Variants in ABI2 observed in about 807,000 individuals in gnomAD.
The protein encoded by ABI2 is abl interactor 2.
A neutral mutation model predicts 59.2 loss-of-function variants in ABI2; 25 were observed. The ratio of observed to expected loss-of-function variants is 0.42; its 90% confidence interval spans 0.31 to 0.59. The LOEUF (loss-of-function observed/expected upper bound fraction) is 0.59, where lower values mean the gene tolerates loss of function less well. ABI2 is among the 20% of genes least tolerant of loss of function. ABI2 has a pLI of 0.14. For missense variants in ABI2, 545 were observed against 681.8 expected (o/e 0.80, Z 2.23); for synonymous variants, 213 against 235.5 (o/e 0.90, Z 0.87).
At position 203,416,977 on chromosome 2, in the gene ABI2, C is replaced by T. The variant is rs1454016763; in HGVS notation, c.1349C>T (p.Pro450Leu). The T allele has an allele frequency of 1.2e-6, 2 of 1,614,156 alleles. No homozygotes were observed. Among genetic ancestry groups the T allele is most frequent in the Non-Finnish European group, 8.5e-7 (1 of 1,180,012 alleles). ...PVFDESPPPPPPPEDYEEEEA... is the reference protein window; with the variant it reads ...PVFDESPPPPLPPEDYEEEEA... ...TTTGATGAGTCTCCCCCACCTCCTC[C>T]TCCTCCAGAAGATTACGAAGAGGAG... Residue 450 changes from proline to leucine, a missense_variant, in exon 11 of 12, where the codon CCT becomes CTT. Pro to Leu is a moderately conservative substitution (Grantham distance 98, BLOSUM62 -3). This residue lies in a region of ABI2 where 410 missense variants were observed against 435.6 expected (regional missense o/e 0.94). Coordinates refer to ENST00000261018, the MANE Select transcript of ABI2 (RefSeq NM_001375670.1).
At chr2:203,389,966 A>G (rs1188989224) in intron 4 of ABI2, among the ~76,000 whole-genome samples, 1 of 152,212 alleles carries the variant, frequency 6.6e-6, no homozygotes, top group African/African-American at 2.4e-5. Flanking sequence ...ACTTAGGACT[A>G]TGTTACATCT....
At chr2:203,380,421 A>G (rs370999877) in intron 3 of ABI2, 37 bp downstream of exon 3, 28 of 1,353,628 alleles carry the variant, frequency 2.1e-5, no homozygotes, top group Non-Finnish European at 2.7e-5. Flanking sequence ...AAAAGTAGTA[A>G]CCCATAATGA....
intron 1 of ABI2, among the ~76,000 whole-genome samples, chr2:203,357,972 T>C (rs1156480832): frequency 2.0e-5 from 3 of 151,656 alleles, no homozygotes; most frequent in Non-Finnish European, 4.4e-5. Context: ...TTTCACCATA[T>C]TGACCAGGCT....
intron 1 of ABI2, among the ~76,000 whole-genome samples, chr2:203,356,920 T>A (rs1234441648): frequency 1.3e-5 from 2 of 152,202 alleles, no homozygotes; most frequent in African/African-American, 2.4e-5. Context: ...ATACTTCACA[T>A]TGTTCCTGTC....
chr2:203,360,059 C>T (rs2093212611), intron 1 of ABI2, among the ~76,000 whole-genome samples: 1 of 151,718 alleles, frequency 6.6e-6, no homozygotes, highest in Non-Finnish European at 1.5e-5. Context: ...GTGGTGCATG[C>T]CTGTAGTCCC....
intron 1 of ABI2, among the ~76,000 whole-genome samples, chr2:203,365,840 A>G (rs1363817301): frequency 1.3e-5 from 2 of 152,048 alleles, no homozygotes; most frequent in African/African-American, 2.4e-5. Context: ...CGTGTTAGCC[A>G]GGATGGTCTC....
chr2:203,389,659 G>T (rs893196568), intron 4 of ABI2, among the ~76,000 whole-genome samples: 1 of 152,266 alleles, frequency 6.6e-6, no homozygotes, highest in Non-Finnish European at 1.5e-5. Context: ...TAGAAAAGTT[G>T]AGGTCCTTTT....
At chr2:203,413,662 TAGTC>T (rs2097770243) in intron 10 of ABI2, among the ~76,000 whole-genome samples, 1 of 152,174 alleles carries the variant, frequency 6.6e-6, no homozygotes, top group Non-Finnish European at 1.5e-5. Context: ...ACTTAAACAT[TAGTC>T]AAATAATAAA....
chr2:203,364,981 G>A (rs1184536250), intron 1 of ABI2, among the ~76,000 whole-genome samples: 2 of 151,800 alleles, frequency 1.3e-5, no homozygotes, highest in South Asian at 2.1e-4. Context: ...CAATGCTCCC[G>A]CCTCAGCCTC....
At chr2:203,396,021 C>CT (rs1253214339) in intron 7 of ABI2, among the ~76,000 whole-genome samples, 2 of 152,140 alleles carry the variant, frequency 1.3e-5, no homozygotes, top group Non-Finnish European at 2.9e-5. Flanking sequence ...TCAGATCACA[C>CT]TTTGTTATGA....
intron 2 of ABI2, among the ~76,000 whole-genome samples, chr2:203,376,733 C>CTTTTTTTT (rs370295013): frequency 2.6e-5 from 3 of 114,896 alleles, no homozygotes; most frequent in African/African-American, 6.4e-5. Flanking sequence ...TTGGTCTTCC[C>CTTTTTTTT]TTTTTTTTTT....
At position 203,427,596 on chromosome 2, in the gene ABI2, G is replaced by A. The variant is rs1437520053; in HGVS notation, c.*244G>A. The A allele has an allele frequency of 7.9e-6, 3 of 380,088 alleles. No homozygotes were observed. The highest frequency in any genetic ancestry group is 1.4e-5 in the Non-Finnish European group (3 of 208,900). 23.5% of individuals were successfully genotyped at this position (380,088 alleles called of 1,614,324 possible). On this transcript the variant is annotated 3_prime_UTR_variant, in exon 12 of 12. Coordinates refer to ENST00000261018, the MANE Select transcript of ABI2 (RefSeq NM_001375670.1). ...ATTGAAATAAAATGACCATTTTTAT[G>A]TATGTCAAAGGTATAACAGCATAAC...
chr2:203,371,249 G>A (rs1319980413), intron 2 of ABI2, among the ~76,000 whole-genome samples: 1 of 152,140 alleles, frequency 6.6e-6, no homozygotes, highest in South Asian at 2.1e-4. Context: ...TTACTTTAAT[G>A]TAACTGAACT....
intron 1 of ABI2, among the ~76,000 whole-genome samples, chr2:203,338,907 T>G (rs1327948434): frequency 5.0e-5 from 4 of 80,704 alleles, no homozygotes; most frequent in Admixed American, 4.3e-4. Flanking sequence ...GGGGTTTATA[T>G]CTGTGTGTGT....
At chr2:203,405,110 G>A (rs1489285421) in intron 9 of ABI2, among the ~76,000 whole-genome samples, 1 of 152,186 alleles carries the variant, frequency 6.6e-6, no homozygotes, top group African/African-American at 2.4e-5. Flanking sequence ...GGTGAATTGG[G>A]ATTGTTAGGC....
chr2:203,369,017 G>A (rs938856850), intron 2 of ABI2, among the ~76,000 whole-genome samples: 2 of 61,278 alleles, frequency 3.3e-5, no homozygotes, highest in African/African-American at 1.4e-4. Context: ...TTTTTTTTTT[G>A]TAGAGACAGT....
At chr2:203,338,967 T>TATATATAA (rs2078091452) in intron 1 of ABI2, among the ~76,000 whole-genome samples, 1 of 10,008 alleles carries the variant, frequency 1.0e-4, no homozygotes, top group Non-Finnish European at 2.3e-4. Flanking sequence ...TATATAAATA[T>TATATATAA]ATATATATAT....
rs184754982 is a variant in ABI2 at position 203,429,380 on chromosome 2, G to C, written c.*2028G>C. On this transcript the variant is annotated 3_prime_UTR_variant, in exon 12 of 12. Coordinates refer to ENST00000261018, the MANE Select transcript of ABI2 (RefSeq NM_001375670.1). ...TAATTAGAAAAACTGTTTTAAATTA[G>C]ATGTTCCCATTATTTATTTAAACAG... is the stretch of plus-strand genomic sequence containing the variant. 4.6e-3 allele frequency: 697 copies of C among 152,324 alleles called. 10 individuals carry two copies. Among genetic ancestry groups the C allele is most frequent in the African/African-American group, 0.016 (662 of 41,562 alleles). 9.4% of individuals were successfully genotyped at this position (152,324 alleles called of 1,614,324 possible).
In ABI2 at chr2:203,328,552, C is replaced by CG. The variant is rs2070019215; in HGVS notation, c.44dup (p.Arg16ProfsTer28). On this transcript the variant is annotated frameshift_variant, in exon 1 of 12. Transcript: ENST00000261018. LOFTEE classifies it high-confidence loss of function. The stretch of plus-strand genomic sequence containing the variant: ...CAGATGCTGCTGGAAGAGGAAATCC[C>CG]GGGGGGCCGCCGGGCCCTCTTCGAC... 4 of 1,604,746 alleles carry CG rather than the reference C, an allele frequency of 2.5e-6. No individual in the cohort carries two copies. The highest frequency in any genetic ancestry group is 2.3e-5 in the East Asian group (1 of 43,298).
Sources: gnomAD v4.1 joint callset for allele counts (sites outside exome capture counted in the v4.1 genomes callset) on GRCh38, gnomAD v4.1.1 for gene constraint, gnomAD v4.1.1 regional missense constraint, MANE v1.5 for transcripts, NCBI Gene and HGNC (gene_info 2026-07-23, HGNC 2026-07-21) for gene names.